The following INPP4B variants were observed in gnomAD, a reference collection of about 807,000 sequenced individuals.
The protein encoded by INPP4B is inositol polyphosphate 4-phosphatase type II.
A neutral mutation model predicts 122.5 loss-of-function variants in INPP4B; 55 were observed. The observed-to-expected ratio is 0.45, with a 90% CI of 0.36 to 0.56. The LOEUF (loss-of-function observed/expected upper bound fraction) is 0.56. Ranked by LOEUF, INPP4B falls within the 20% of genes least tolerant of loss-of-function variation. The probability of loss-of-function intolerance (pLI) is 0.00; values close to 1 mark genes in which losing one functional copy is unlikely to be tolerated. For missense variants in INPP4B, 1,000 were observed against 1,097.7 expected (o/e 0.91, Z 1.26); for synonymous variants, 403 against 388.7 (o/e 1.04, Z -0.43).
intron 2 of INPP4B, among the ~76,000 whole-genome samples, chr4:142,590,105 G>C (rs1394205513): frequency 6.6e-6 from 1 of 152,092 alleles, no homozygotes; most frequent in Non-Finnish European, 1.5e-5. Context: ...GAACTGATGA[G>C]ACAAGCAGGA....
intron 2 of INPP4B, among the ~76,000 whole-genome samples, chr4:142,583,033 G>C (rs1243014929): frequency 6.6e-6 from 1 of 152,016 alleles, no homozygotes; most frequent in Non-Finnish European, 1.5e-5. Flanking sequence ...ACCTTTACTA[G>C]TTTATTACCT....
intron 1 of INPP4B, chr4:142,766,826 C>G (rs559315778): frequency 7.2e-5 from 11 of 152,228 alleles, no homozygotes; most frequent in Admixed American, 1.3e-4. Context: ...ATGACACCAG[C>G]ATCTGAAATT....
intron 16 of INPP4B, among the ~76,000 whole-genome samples, chr4:142,163,459 T>C (rs1289847180): frequency 2.0e-5 from 3 of 151,992 alleles, no homozygotes; most frequent in Non-Finnish European, 2.9e-5. Flanking sequence ...CACTACATCA[T>C]TCCCCTCACT....
intron 1 of INPP4B, among the ~76,000 whole-genome samples, chr4:142,730,539 G>C (rs973770339): frequency 1.3e-5 from 2 of 152,076 alleles, no homozygotes; most frequent in African/African-American, 4.8e-5. Context: ...TTACTTCTCA[G>C]CACCTTCCAA....
At chr4:142,207,038 AAT>A in intron 14 of INPP4B, among the ~76,000 whole-genome samples, 1 of 152,252 alleles carries the variant, frequency 6.6e-6, no homozygotes, top group East Asian at 1.9e-4. Flanking sequence ...TCATATAAGT[AAT>A]ATTATGTAGT....
chr4:142,641,345 G>A (rs1006126415), intron 2 of INPP4B, among the ~76,000 whole-genome samples: 2 of 151,898 alleles, frequency 1.3e-5, no homozygotes, highest in African/African-American at 4.8e-5. Flanking sequence ...ATATATACAT[G>A]TGCCATGTAG....
chr4:142,302,625 C>T (rs1761904871), intron 9 of INPP4B, among the ~76,000 whole-genome samples: 1 of 152,166 alleles, frequency 6.6e-6, no homozygotes, highest in East Asian at 1.9e-4. Context: ...TATCAGAGCA[C>T]AAAGCACATG....
At chr4:142,091,121 G>A (rs1779340473) in intron 23 of INPP4B, among the ~76,000 whole-genome samples, 1 of 152,146 alleles carries the variant, frequency 6.6e-6, no homozygotes, top group African/African-American at 2.4e-5. Flanking sequence ...GGTACAAAGG[G>A]AGCTTTTACC....
In INPP4B at chr4:142,656,466, C is replaced by T. The variant is rs138517628; in HGVS notation, c.-191+69373G>A. ...CAGTGGGGAAAACCATACCCCTACC[C>T]CCTGTGGATCCTGGGCCTTTTCATG... On this transcript the variant is annotated intron_variant, in intron 2 of 25. Coordinates refer to ENST00000262992, the MANE Select transcript of INPP4B (RefSeq NM_001101669.3). Among the ~76,000 whole-genome samples, 754 of 152,266 alleles carry T rather than the reference C, an allele frequency of 5.0e-3. 6 individuals are homozygous for T. The highest frequency in any genetic ancestry group is 0.017 in the African/African-American group (690 of 41,568).
intron 1 of INPP4B, among the ~76,000 whole-genome samples, chr4:142,742,681 GA>G (rs908762356): frequency 3.3e-5 from 5 of 151,872 alleles, no homozygotes; most frequent in African/African-American, 1.2e-4. Context: ...CATGGGAAAG[GA>G]AATTTTAAAG....
At chr4:142,237,763 A>G in intron 12 of INPP4B, 101 bp downstream of exon 12, 1 of 632,830 alleles carries the variant, frequency 1.6e-6, no homozygotes. Context: ...CAATGCATAC[A>G]TATTTCAAAA....
chr4:142,193,641 G>C (rs1836938327), intron 14 of INPP4B, among the ~76,000 whole-genome samples: 1 of 151,894 alleles, frequency 6.6e-6, no homozygotes, highest in Non-Finnish European at 1.5e-5. Context: ...TTGACTCAAG[G>C]GCAGATTAGT....
intron 25 of INPP4B, among the ~76,000 whole-genome samples, chr4:142,035,155 T>C (rs1337243223): frequency 3.3e-5 from 5 of 152,108 alleles, no homozygotes; most frequent in Admixed American, 1.3e-4. Flanking sequence ...CAGGCCAGCA[T>C]CCCCACTTGG....
intron 1 of INPP4B, among the ~76,000 whole-genome samples, chr4:142,749,307 T>A (rs1250583731): frequency 6.8e-6 from 1 of 147,682 alleles, no homozygotes; most frequent in Non-Finnish European, 1.5e-5. Context: ...AACATATATA[T>A]GTTTATTTAT....
chr4:142,719,304 A>AT (rs1213523259), intron 2 of INPP4B, among the ~76,000 whole-genome samples: 2 of 152,014 alleles, frequency 1.3e-5, no homozygotes, highest in African/African-American at 4.8e-5. Flanking sequence ...TCTATTGAAC[A>AT]TTGGCCAATA....
At chr4:142,843,834 A>G (rs1783855922) in intron 1 of INPP4B, among the ~76,000 whole-genome samples, 1 of 152,050 alleles carries the variant, frequency 6.6e-6, no homozygotes, top group Non-Finnish European at 1.5e-5. Context: ...CCCTCAAGGT[A>G]GTGAAAGTTA....
At chr4:142,706,844 G>A (rs367906802) in intron 2 of INPP4B, among the ~76,000 whole-genome samples, 5 of 152,318 alleles carry the variant, frequency 3.3e-5, no homozygotes, top group Admixed American at 2.6e-4. Flanking sequence ...CAACTCCAGT[G>A]AATTATTTCA....
intron 1 of INPP4B, among the ~76,000 whole-genome samples, chr4:142,743,607 T>C (rs1307921732): frequency 6.6e-6 from 1 of 151,930 alleles, no homozygotes; most frequent in Admixed American, 6.6e-5. Context: ...ATTAATGCAG[T>C]CTAATACCCC....
intron 1 of INPP4B, among the ~76,000 whole-genome samples, chr4:142,739,608 A>C (rs1343688468): frequency 2.6e-5 from 4 of 152,032 alleles, no homozygotes; most frequent in African/African-American, 7.2e-5. Flanking sequence ...AAATGTAGAA[A>C]GACAGAAGCA....
Sources: gnomAD v4.1 joint callset for allele counts (sites outside exome capture counted in the v4.1 genomes callset) on GRCh38, gnomAD v4.1.1 for gene constraint, MANE v1.5 for transcripts, NCBI Gene and HGNC (gene_info 2026-07-23, HGNC 2026-07-21) for gene names.